FRYL: variants seen among roughly 807,000 people sequenced by gnomAD.
The protein encoded by FRYL is protein furry homolog-like.
Under a neutral mutation model 351.2 loss-of-function variants are expected in FRYL, and 150 were observed. That is an observed-to-expected ratio of 0.43 (90% CI 0.37 to 0.49). The LOEUF (loss-of-function observed/expected upper bound fraction) is 0.49. FRYL is among the 20% of genes least tolerant of loss of function. FRYL has a pLI of 0.00. For missense variants in FRYL, 3,036 were observed against 3,619.3 expected (o/e 0.84, Z 4.13); for synonymous variants, 1,153 against 1,257.1 (o/e 0.92, Z 1.75).
intron 1 of FRYL, among the ~76,000 whole-genome samples, chr4:48,749,059 T>C (rs895879924): frequency 1.3e-5 from 2 of 152,092 alleles, no homozygotes; most frequent in African/African-American, 4.8e-5. Context: ...TCATAACAGA[T>C]GAGCAAGGAA....
intron 17 of FRYL, among the ~76,000 whole-genome samples, 178 bp downstream of exon 17, chr4:48,590,481 T>TCAAAAA (rs879551408): frequency 6.6e-6 from 1 of 151,946 alleles, no homozygotes; most frequent in Non-Finnish European, 1.5e-5. Context: ...AGACTCTGTC[T>TCAAAAA]CAAAAACAAA....
Position 48,676,456 on chromosome 4 carries a change from A to T in FRYL, c.-81+8217T>A, listed in dbSNP as rs1371353282. On this transcript the variant is annotated intron_variant, in intron 3 of 63. Coordinates refer to ENST00000358350, the MANE Select transcript of FRYL (RefSeq NM_015030.2). ...GGTCCGCGGCTTCATTCTTGAAGTC[A>T]GTGAGACCAAGAAACCACCAATTCC... 2.0e-5 allele frequency among the ~76,000 whole-genome samples: 3 copies of T among 152,280 alleles called. No homozygotes were observed. The East Asian group carries it at 5.8e-4, about 29-fold the overall frequency.
intron 1 of FRYL, among the ~76,000 whole-genome samples, chr4:48,779,418 C>G (rs1018936382): frequency 3.3e-5 from 5 of 152,088 alleles, no homozygotes; most frequent in African/African-American, 1.2e-4. Flanking sequence ...TGCGCGGGCA[C>G]AGCGCCCGCA....
At chr4:48,771,483 A>C (rs954263715) in intron 1 of FRYL, among the ~76,000 whole-genome samples, 3 of 152,200 alleles carry the variant, frequency 2.0e-5, no homozygotes, top group Admixed American at 2.0e-4. Context: ...GATGGTTCTT[A>C]CAAGAAGTAG....
At chr4:48,579,863 C>T (rs1404983966) in intron 22 of FRYL, among the ~76,000 whole-genome samples, 1 of 151,930 alleles carries the variant, frequency 6.6e-6, no homozygotes, top group African/African-American at 2.4e-5. Flanking sequence ...AGAAGAGAGG[C>T]TTTTAAAGGT....
intron 1 of FRYL, among the ~76,000 whole-genome samples, chr4:48,747,339 G>A (rs1186376532): frequency 6.6e-6 from 1 of 152,200 alleles, no homozygotes; most frequent in Non-Finnish European, 1.5e-5. Flanking sequence ...CCTCAAGAGT[G>A]AGGATTGTCT....
At chr4:48,736,624 C>T (rs548970545) in intron 1 of FRYL, among the ~76,000 whole-genome samples, 8 of 151,784 alleles carry the variant, frequency 5.3e-5, no homozygotes, top group East Asian at 3.9e-4. Context: ...TCCAGGCAGG[C>T]GGATCACCTG....
rs1328278015 is a variant in FRYL at position 48,512,598 on chromosome 4, C to T, written c.8028G>A (p.Gln2676=). Residue 2676 remains glutamine (Q), a synonymous_variant, in exon 57 of 64, where the codon CAG becomes CAA. Transcript: ENST00000358350. ...CCTCTTCATCATCATATGCCACGGGCTGAAAGGCGGCTATGATGGCAGAAA... is the reference window on the plus strand; with the variant it reads ...CCTCTTCATCATCATATGCCACGGGTTGAAAGGCGGCTATGATGGCAGAAA... ...PFLSAIIAAF[Q]PVAYDDEEEA... 2.5e-6 allele frequency: 4 copies of T among 1,614,028 alleles called. No individual in the cohort carries two copies. The South Asian group carries it at 3.3e-5, about 13-fold the overall frequency.
chr4:48,596,085 C>T, intron 13 of FRYL, 85 bp from the exon 14 acceptor site: 4 of 884,824 alleles, frequency 4.5e-6, no homozygotes, highest in Non-Finnish European at 7.1e-6. Flanking sequence ...CAACTAAAAG[C>T]CAATCTTTTT....
At chr4:48,723,940 AAAT>A (rs35636867) in intron 1 of FRYL, among the ~76,000 whole-genome samples, 8,613 of 140,310 alleles carry the variant, frequency 0.061, 426 homozygotes, top group African/African-American at 0.13. Flanking sequence ...AAAATAAATA[AAAT>A]AATAATAATA....
intron 4 of FRYL, among the ~76,000 whole-genome samples, chr4:48,625,651 C>T (rs79702481): frequency 0.029 from 4,413 of 152,158 alleles, 75 homozygotes; most frequent in Admixed American, 0.046. Context: ...GCAAATACCA[C>T]GCCATGTTAT....
At chr4:48,698,799 AC>A (rs1057307748) in intron 2 of FRYL, among the ~76,000 whole-genome samples, 6 of 151,278 alleles carry the variant, frequency 4.0e-5, no homozygotes, top group Non-Finnish European at 7.4e-5. Context: ...AGTAGGCACC[AC>A]CCCCACCCCA....
At chr4:48,760,233 C>G (rs567572687) in intron 1 of FRYL, among the ~76,000 whole-genome samples, 1 of 152,186 alleles carries the variant, frequency 6.6e-6, no homozygotes, top group East Asian at 1.9e-4. Flanking sequence ...GCAATCTCAG[C>G]TCACTGCAAC....
At chr4:48,547,300 G>A (rs907470034) in intron 41 of FRYL, among the ~76,000 whole-genome samples, 9 of 152,080 alleles carry the variant, frequency 5.9e-5, no homozygotes, top group Admixed American at 3.9e-4. Context: ...CATCTTTTTC[G>A]TAATTCGTCC....
chr4:48,730,857 C>T (rs1770643557), intron 1 of FRYL, among the ~76,000 whole-genome samples: 1 of 152,142 alleles, frequency 6.6e-6, no homozygotes, highest in African/African-American at 2.4e-5. Context: ...GGATCAAATT[C>T]ACACATAACA....
intron 57 of FRYL, 32 bp downstream of exon 57, chr4:48,512,449 A>G (rs1312714663): frequency 6.7e-7 from 1 of 1,482,778 alleles, no homozygotes; most frequent in African/African-American, 1.4e-5. Context: ...GGTAACTATA[A>G]TATGAATTCA....
At chr4:48,719,706 G>A (rs1407184320) in intron 1 of FRYL, among the ~76,000 whole-genome samples, 2 of 151,556 alleles carry the variant, frequency 1.3e-5, no homozygotes, top group Non-Finnish European at 2.9e-5. Flanking sequence ...TCCTAATAAC[G>A]TTTTCATTTT....
Position 48,551,068 on chromosome 4 carries a change from T to TA in FRYL, c.4521-365dup, listed in dbSNP as rs1220502208. Among the ~76,000 whole-genome samples the TA allele has an allele frequency of 6.8e-3, 854 of 124,686 alleles. 3 individuals are homozygous for TA. Among genetic ancestry groups the TA allele is most frequent in the Non-Finnish European group, 8.8e-3 (501 of 57,158 alleles). The allele number at this position is 124,686 out of a possible 152,430, so 81.8% of individuals were successfully genotyped here. ...GCAACAGAGCGAGACTCCATCTCAA[T>TA]AAAAAAAAAAAAAGGACACAGTACA... is the stretch of plus-strand genomic sequence containing the variant. On this transcript the variant is annotated intron_variant, in intron 37 of 63. Transcript: ENST00000358350.
intron 1 of FRYL, among the ~76,000 whole-genome samples, chr4:48,770,064 G>T (rs1775357435): frequency 6.6e-6 from 1 of 152,074 alleles, no homozygotes; most frequent in Non-Finnish European, 1.5e-5. Flanking sequence ...AAATTGCATA[G>T]AACTGTACAC....
Sources: allele counts gnomAD v4.1 joint callset (sites outside exome capture counted in the v4.1 genomes callset), GRCh38; gene constraint gnomAD v4.1.1; transcripts MANE v1.5; gene names NCBI Gene and HGNC (gene_info 2026-07-23, HGNC 2026-07-21).